NIBAN1: variants seen among roughly 807,000 people sequenced by gnomAD.
The protein encoded by NIBAN1 is niban apoptosis regulator 1.
Under a neutral mutation model 75.1 loss-of-function variants are expected in NIBAN1, and 81 were observed. The observed-to-expected ratio is 1.08, with a 90% CI of 0.90 to 1.30. The LOEUF is 1.30. Ranked by LOEUF, NIBAN1 falls within the 50% of genes most tolerant of loss-of-function variation. The pLI, the probability that NIBAN1 is intolerant of heterozygous loss-of-function variation, is 0.00. For missense variants in NIBAN1, 1,133 were observed against 1,128.1 expected, an observed-to-expected ratio of 1.00 and a Z score of -0.06; for synonymous variants, 436 against 424.8, an observed-to-expected ratio of 1.03 and a Z score of -0.32.
intron 5 of NIBAN1, among the ~76,000 whole-genome samples, chr1:184,875,777 A>C (rs1205628185): frequency 3.3e-5 from 5 of 152,242 alleles, no homozygotes; most frequent in African/African-American, 1.2e-4. Flanking sequence ...AGCGAAATAA[A>C]GCCCAAGAAA....
At chr1:184,942,944 G>A (rs921091565) in intron 1 of NIBAN1, among the ~76,000 whole-genome samples, 2 of 152,188 alleles carry the variant, frequency 1.3e-5, no homozygotes, top group Non-Finnish European at 2.9e-5. Context: ...CCAAGAAGAG[G>A]AAAAAGTAAT....
chr1:184,872,564 G>A (rs973272006), intron 5 of NIBAN1, among the ~76,000 whole-genome samples: 1 of 152,084 alleles, frequency 6.6e-6, no homozygotes, highest in African/African-American at 2.4e-5. Flanking sequence ...AAAATTAGCT[G>A]GGCATGGTGG....
chr1:184,957,551 G>C (rs1005515275), intron 1 of NIBAN1, among the ~76,000 whole-genome samples: 1 of 152,216 alleles, frequency 6.6e-6, no homozygotes, highest in Admixed American at 6.5e-5. Flanking sequence ...AGCAGTATGT[G>C]AAAGCCAATC....
intron 1 of NIBAN1, among the ~76,000 whole-genome samples, chr1:184,901,745 G>GGGAC (rs1479308946): frequency 7.2e-5 from 11 of 152,270 alleles, no homozygotes; most frequent in Middle Eastern, 3.4e-3. Flanking sequence ...AGCCTCCCCA[G>GGGAC]GGACGCCCTG....
intron 5 of NIBAN1, chr1:184,868,011 T>C: frequency 3.0e-6 from 3 of 985,470 alleles, no homozygotes; most frequent in Non-Finnish European, 3.6e-6. Context: ...TCTCAGTTCC[T>C]TTCTTAGCTG....
At chr1:184,905,786 T>A (rs1468591976) in intron 1 of NIBAN1, among the ~76,000 whole-genome samples, 2 of 152,232 alleles carry the variant, frequency 1.3e-5, no homozygotes, top group African/African-American at 4.8e-5. Context: ...TATATTGTGT[T>A]TATATACTCA....
At position 184,791,111 on chromosome 1, in the gene NIBAN1, C is replaced by T. The variant is rs980709296; in HGVS notation, c.*3866G>A. On this transcript the variant is annotated 3_prime_UTR_variant, in exon 14 of 14. Transcript: ENST00000367511. ...TTACAAAGTGTTTTAAGTTTATTTG[C>T]TTTATATAGTGACCGGGAAAGTCAA... 8.7e-6 allele frequency: 4 copies of T among 458,738 alleles called. No homozygotes were observed. Among genetic ancestry groups the T allele is most frequent in the Non-Finnish European group, 1.8e-5 (4 of 223,522 alleles). 28.4% of individuals were successfully genotyped at this position (458,738 alleles called of 1,614,324 possible).
At chr1:184,828,956 C>G (rs914620764) in intron 6 of NIBAN1, among the ~76,000 whole-genome samples, 2 of 152,046 alleles carry the variant, frequency 1.3e-5, no homozygotes, top group African/African-American at 4.8e-5. Flanking sequence ...ACCACTGTTC[C>G]CAGCTAATTT....
At chr1:184,929,422 A>G (rs901910817) in intron 1 of NIBAN1, among the ~76,000 whole-genome samples, 1 of 152,234 alleles carries the variant, frequency 6.6e-6, no homozygotes, top group Non-Finnish European at 1.5e-5. Flanking sequence ...CAAATGTTCA[A>G]GTACCCCAAA....
At chr1:184,866,104 G>A (rs999571394) in intron 5 of NIBAN1, among the ~76,000 whole-genome samples, 19 of 152,134 alleles carry the variant, frequency 1.2e-4, no homozygotes, top group African/African-American at 4.3e-4. Flanking sequence ...CAGTACTAAT[G>A]GCTGAGATGT....
chr1:184,823,942 G>A (rs1007667276), intron 6 of NIBAN1, among the ~76,000 whole-genome samples, 200 bp from the exon 7 acceptor site: 29 of 152,172 alleles, frequency 1.9e-4, no homozygotes, highest in African/African-American at 5.8e-4. Context: ...TTAAACATCC[G>A]CAAGGAACAG....
At chr1:184,866,055 T>TA (rs559371424) in intron 5 of NIBAN1, among the ~76,000 whole-genome samples, 25 of 151,242 alleles carry the variant, frequency 1.7e-4, no homozygotes, top group South Asian at 8.3e-4. Flanking sequence ...TTTATTCAGT[T>TA]AAAAAAAAAT....
In NIBAN1 at chr1:184,847,097, A is replaced by G. The variant is rs1247661032; in HGVS notation, c.602-15135T>C. The stretch of plus-strand genomic sequence containing the variant: ...TTCCCCAATCTAGCAAGGCAGGCCA[A>G]CGTTCAGATTCAGGAAATACAGAGA... On this transcript the variant is annotated intron_variant, in intron 5 of 13. Coordinates refer to ENST00000367511, the MANE Select transcript of NIBAN1 (RefSeq NM_052966.4). Among the ~76,000 whole-genome samples the G allele has an allele frequency of 1.4e-4, 8 of 58,012 alleles. 3 individuals carry two copies. The highest frequency in any genetic ancestry group is 1.4e-3 in the Admixed American group (8 of 5,806). The allele number at this position is 58,012 out of a possible 152,430, so 38.1% of individuals were successfully genotyped here.
intron 1 of NIBAN1, among the ~76,000 whole-genome samples, chr1:184,913,916 T>C (rs1057169733): frequency 6.6e-6 from 1 of 152,234 alleles, no homozygotes; most frequent in Non-Finnish European, 1.5e-5. Flanking sequence ...GTCAGATTAA[T>C]GGCTGTCATC....
At chr1:184,807,975 T>G in intron 10 of NIBAN1, 99 bp downstream of exon 10, 1 of 1,399,518 alleles carries the variant, frequency 7.1e-7, no homozygotes, top group Non-Finnish European at 1.0e-6. Flanking sequence ...ACGCGACGTA[T>G]TTCCCTGAGC....
chr1:184,908,471 A>G (rs1036220317), intron 1 of NIBAN1, among the ~76,000 whole-genome samples: 31 of 152,334 alleles, frequency 2.0e-4, no homozygotes, highest in African/African-American at 7.2e-4. Context: ...TCATGTTACT[A>G]TTCCCACTAC....
At chr1:184,974,215 G>C in intron 1 of NIBAN1, 87 bp downstream of exon 1, 1 of 1,331,286 alleles carries the variant, frequency 7.5e-7, no homozygotes, top group South Asian at 1.6e-5. Context: ...AGAGGGCCCG[G>C]GGCGCGCCCC....
chr1:184,831,470 G>A (rs11585840), intron 6 of NIBAN1, among the ~76,000 whole-genome samples: 1,763 of 152,254 alleles, frequency 0.012, 13 homozygotes, highest in Non-Finnish European at 0.017. Context: ...CATGACTGAA[G>A]TCCAAGTTTG....
chr1:184,900,474 C>T (rs576343303), intron 1 of NIBAN1, among the ~76,000 whole-genome samples: 1 of 152,246 alleles, frequency 6.6e-6, no homozygotes, highest in Non-Finnish European at 1.5e-5. Flanking sequence ...TACGAAAGTC[C>T]AGCTGCCTCA....
Sources: allele counts gnomAD v4.1 joint callset (sites outside exome capture counted in the v4.1 genomes callset), GRCh38; gene constraint gnomAD v4.1.1; transcripts MANE v1.5; gene names NCBI Gene and HGNC (gene_info 2026-07-23, HGNC 2026-07-21).